The following KALRN variants were observed in gnomAD, a reference collection of about 807,000 sequenced individuals.
KALRN encodes the protein kalirin RhoGEF kinase, also known as kalirin.
Under a neutral mutation model 353.7 loss-of-function variants are expected in KALRN, and 70 were observed. The ratio of observed to expected loss-of-function variants is 0.20; its 90% CI spans 0.16 to 0.24. The LOEUF (loss-of-function observed/expected upper bound fraction) is 0.24. KALRN is among the 10% of genes least tolerant of loss of function. The pLI, the probability that KALRN is intolerant of heterozygous loss-of-function variation, is 1.00. For missense variants in KALRN, 2,791 were observed against 3,756.7 expected, an observed-to-expected ratio of 0.74 and a Z score of 6.72; for synonymous variants, 1,391 against 1,434.8, an observed-to-expected ratio of 0.97 and a Z score of 0.69.
chr3:124,367,037 C>T (rs1297986683), intron 10 of KALRN, among the ~76,000 whole-genome samples: 2 of 140,768 alleles, frequency 1.4e-5, no homozygotes, highest in African/African-American at 5.3e-5. Context: ...CCCTCCCGGA[C>T]GGGGCGGCTG....
chr3:124,169,539 C>T (rs187928779), intron 1 of KALRN, among the ~76,000 whole-genome samples: 14 of 151,948 alleles, frequency 9.2e-5, no homozygotes, highest in African/African-American at 1.5e-4. Context: ...AGTGGAATCC[C>T]GGGGATTGAC....
At chr3:124,644,674 G>C (rs2082486154) in intron 37 of KALRN, among the ~76,000 whole-genome samples, 1 of 152,158 alleles carries the variant, frequency 6.6e-6, no homozygotes, top group African/African-American at 2.4e-5. Flanking sequence ...TTTTACAACT[G>C]CATAGTATTC....
intron 1 of KALRN, among the ~76,000 whole-genome samples, chr3:124,144,311 C>T (rs752211534): frequency 1.3e-5 from 2 of 152,126 alleles, no homozygotes; most frequent in Non-Finnish European, 2.9e-5. Context: ...GCCCCAGGCA[C>T]GCATTCCCAG....
chr3:124,130,406 A>C (rs2065143149), intron 1 of KALRN, among the ~76,000 whole-genome samples: 1 of 152,224 alleles, frequency 6.6e-6, no homozygotes, highest in South Asian at 2.1e-4. Context: ...AAAACTGCTT[A>C]AAGACTAACA....
intron 2 of KALRN, among the ~76,000 whole-genome samples, chr3:124,230,629 G>A (rs936572027): frequency 7.2e-5 from 11 of 152,058 alleles, no homozygotes; most frequent in Non-Finnish European, 1.5e-4. Flanking sequence ...TGAGTAGGAC[G>A]AAGGGGGCTG....
At position 124,650,851 on chromosome 3, in the gene KALRN, C is replaced by G. The variant is rs759552317; in HGVS notation, c.5708C>G (p.Ala1903Gly). The change falls in exon 38 of 60, where the codon GCA becomes GGA. Residue 1903 changes from alanine to glycine, a missense_variant. Ala to Gly is a moderately conservative substitution (Grantham distance 60). This residue lies in a region of KALRN where 1,065 missense variants were observed against 1,156.4 expected (regional missense o/e 0.92). Coordinates refer to ENST00000682506, the MANE Select transcript of KALRN (RefSeq NM_001388419.1). Reference protein sequence around the residue: ...SSYRGSLKDPAGCLNEGMAPP... With the variant: ...SSYRGSLKDPGGCLNEGMAPP... The stretch of plus-strand genomic sequence containing the variant: ...TACCGGGGGAGCTTGAAAGACCCTG[C>G]AGGCTGCCTGAATGAGGGGATGGCC... The G allele has an allele frequency of 6.2e-7, 1 of 1,613,944 alleles. No homozygotes were observed. Among genetic ancestry groups the G allele is most frequent in the Admixed American group, 1.7e-5 (1 of 60,028 alleles).
chr3:124,226,161 A>G (rs1227626992), intron 1 of KALRN, among the ~76,000 whole-genome samples: 6 of 152,346 alleles, frequency 3.9e-5, no homozygotes, highest in East Asian at 3.9e-4. Context: ...GATAAAGCCT[A>G]ATAGATTGCC....
intron 47 of KALRN, among the ~76,000 whole-genome samples, chr3:124,670,228 C>T (rs1312367491): frequency 6.6e-6 from 1 of 152,246 alleles, no homozygotes; most frequent in Admixed American, 6.5e-5. Flanking sequence ...AAGTGATCCA[C>T]CCGCCTTGGC....
chr3:124,313,008 G>C (rs537433858), intron 6 of KALRN, among the ~76,000 whole-genome samples: 565 of 152,346 alleles, frequency 3.7e-3, no homozygotes, highest in Non-Finnish European at 6.2e-3. Flanking sequence ...GAGCATCAAG[G>C]ATGCAGAGCT....
chr3:124,049,952 CT>C (rs1168939238), intron 1 of KALRN, among the ~76,000 whole-genome samples: 1 of 152,148 alleles, frequency 6.6e-6, no homozygotes, highest in Non-Finnish European at 1.5e-5. Context: ...GGATTAATCT[CT>C]TTTGGATGAC....
intron 57 of KALRN, among the ~76,000 whole-genome samples, chr3:124,705,923 T>C (rs1420138267): frequency 6.6e-6 from 1 of 151,768 alleles, no homozygotes; most frequent in Non-Finnish European, 1.5e-5. Context: ...GTTGTCGTTG[T>C]TGTTTTAGGA....
At chr3:124,593,762 G>A (rs1361077602) in intron 34 of KALRN, among the ~76,000 whole-genome samples, 2 of 152,112 alleles carry the variant, frequency 1.3e-5, no homozygotes, top group African/African-American at 2.4e-5. Context: ...TGTCTTCCAC[G>A]AGCTTAACAG....
At chr3:124,144,726 GTC>G (rs921205251) in intron 1 of KALRN, among the ~76,000 whole-genome samples, 2 of 149,996 alleles carry the variant, frequency 1.3e-5, no homozygotes, top group African/African-American at 4.9e-5. Flanking sequence ...CTTCCCTCTT[GTC>G]TCTCTGCAGC....
At chr3:124,666,974 C>T (rs1406850186) in intron 46 of KALRN, 38 bp from the exon 47 acceptor site, 1 of 1,556,814 alleles carries the variant, frequency 6.4e-7, no homozygotes, top group Non-Finnish European at 8.7e-7. Flanking sequence ...TTTAAAAAAT[C>T]TTTTAAATGT....
intron 6 of KALRN, among the ~76,000 whole-genome samples, chr3:124,307,713 T>G (rs1296526265): frequency 6.6e-6 from 1 of 151,838 alleles, no homozygotes; most frequent in Non-Finnish European, 1.5e-5. Context: ...TACAGGGTTA[T>G]AGAAGTATAA....
intron 49 of KALRN, among the ~76,000 whole-genome samples, chr3:124,676,712 C>G (rs1331614824): frequency 6.6e-6 from 1 of 152,232 alleles, no homozygotes; most frequent in East Asian, 1.9e-4. Flanking sequence ...GGAGTCCTTT[C>G]AGCAGGGATC....
In KALRN at chr3:124,637,223, G is replaced by T. The variant is rs55755864; in HGVS notation, c.5584G>T (p.Ala1862Ser). Reference sequence around the variant, plus strand: ...TGTCTTGCAGTCCTCCTCTTTGCTAGCAGCCCGGCAGGCTTCCACTGAAGT... The same window carrying T: ...TGTCTTGCAGTCCTCCTCTTTGCTATCAGCCCGGCAGGCTTCCACTGAAGT... ...TQDEMSSSLL[A>S]ARQASTEVPT... Residue 1862 changes from alanine (A) to serine (S), a missense_variant, in exon 37 of 60, where the codon GCA becomes TCA. Physicochemically the swap from Ala to Ser is moderately conservative, Grantham distance 99. This residue lies in a region of KALRN where 1,065 missense variants were observed against 1,156.4 expected (regional missense o/e 0.92). Coordinates refer to ENST00000682506, the MANE Select transcript of KALRN (RefSeq NM_001388419.1). The T allele has an allele frequency of 1.6e-4, 261 of 1,613,934 alleles. No homozygotes were observed. Among genetic ancestry groups the T allele is most frequent in the Non-Finnish European group, 1.9e-4 (229 of 1,179,950 alleles).
intron 51 of KALRN, among the ~76,000 whole-genome samples, chr3:124,684,361 A>G (rs960611147): frequency 5.6e-4 from 86 of 152,296 alleles, no homozygotes; most frequent in African/African-American, 2.0e-3. Context: ...ATTTTTGTGT[A>G]TAAGTGTGTT....
chr3:124,677,491 T>G (rs333349), intron 49 of KALRN: 221,946 of 435,010 alleles, frequency 0.51, 57,582 homozygotes, highest in African/African-American at 0.55. Context: ...CACACATTAG[T>G]TCTTGTCCCA....
Sources: allele counts gnomAD v4.1 joint callset (sites outside exome capture counted in the v4.1 genomes callset), GRCh38; gene constraint gnomAD v4.1.1; regional missense constraint gnomAD v4.1.1; transcripts MANE v1.5; gene names NCBI Gene and HGNC (gene_info 2026-07-23, HGNC 2026-07-21).